Variants in CPNE4 observed in about 807,000 individuals in gnomAD.
CPNE4 encodes the protein copine 4.
Under a neutral mutation model 67.9 loss-of-function variants are expected in CPNE4, and 25 were observed. The observed-to-expected ratio is 0.37, with a 90% CI of 0.27 to 0.51. The LOEUF (loss-of-function observed/expected upper bound fraction) is 0.51, where lower values mean the gene tolerates loss of function less well. Among genes scored for constraint, CPNE4 ranks in the 20% least tolerant of loss-of-function variants. CPNE4 has a pLI of 0.93. For synonymous variants in CPNE4, 242 were observed against 244.9 expected (o/e 0.99, Z 0.11); for missense variants, 464 against 690.8 (o/e 0.67, Z 3.68).
chr3:131,655,074 A>G (rs1213772415), intron 7 of CPNE4, among the ~76,000 whole-genome samples: 1 of 152,244 alleles, frequency 6.6e-6, no homozygotes, highest in Non-Finnish European at 1.5e-5. Context: ...GTGGATGCAG[A>G]TATAGAGAAA....
chr3:131,723,765 T>C (rs973347971), intron 2 of CPNE4, 140 bp from the exon 3 acceptor site: 4 of 662,502 alleles, frequency 6.0e-6, no homozygotes, highest in Admixed American at 5.7e-5. Context: ...AGTCCAAAAG[T>C]ACAAAGTACA....
intron 2 of CPNE4, among the ~76,000 whole-genome samples, chr3:131,854,017 A>C (rs12629408): frequency 0.4 from 59,985 of 151,600 alleles, 12,143 homozygotes; most frequent in Admixed American, 0.47. Context: ...TATGACCTAG[A>C]AATTTCATTT....
intron 3 of CPNE4, among the ~76,000 whole-genome samples, chr3:131,701,003 C>G (rs1160960587): frequency 1.3e-5 from 2 of 150,082 alleles, no homozygotes; most frequent in African/African-American, 4.9e-5. Flanking sequence ...GACAAAAAAC[C>G]AAACACTGCA....
intron 7 of CPNE4, among the ~76,000 whole-genome samples, chr3:131,629,903 G>A (rs964968587): frequency 2.6e-5 from 4 of 150,966 alleles, no homozygotes; most frequent in South Asian, 2.1e-4. Context: ...TCTCTCTCTC[G>A]TTCTCTCTCT....
intron 2 of CPNE4, among the ~76,000 whole-genome samples, chr3:131,851,553 A>T (rs1379547325): frequency 1.3e-5 from 2 of 152,120 alleles, no homozygotes; most frequent in Non-Finnish European, 2.9e-5. Flanking sequence ...ACATTTATAC[A>T]GACCGGTGTA....
At chr3:131,923,704 C>CAAAA (rs3041574) in intron 1 of CPNE4, among the ~76,000 whole-genome samples, 459 of 39,232 alleles carry the variant, frequency 0.012, 11 homozygotes, top group East Asian at 0.055. Context: ...GACTCCGTCT[C>CAAAA]AAAAAAAAAA....
At chr3:131,983,416 G>A (rs559755592) in intron 1 of CPNE4, among the ~76,000 whole-genome samples, 4 of 152,196 alleles carry the variant, frequency 2.6e-5, no homozygotes, top group East Asian at 3.9e-4. Flanking sequence ...TTGCTACGAC[G>A]TGGAGCTGCA....
At chr3:131,719,690 G>A (rs928569541) in intron 3 of CPNE4, among the ~76,000 whole-genome samples, 1 of 152,146 alleles carries the variant, frequency 6.6e-6, no homozygotes, top group Non-Finnish European at 1.5e-5. Flanking sequence ...TCCATAGATA[G>A]AGTGGGTCCC....
intron 6 of CPNE4, among the ~76,000 whole-genome samples, chr3:131,674,294 G>C (rs1037974576): frequency 1.3e-5 from 2 of 151,890 alleles, no homozygotes; most frequent in African/African-American, 4.8e-5. Context: ...ATGTATCTTT[G>C]TATGGTTTTG....
At chr3:131,786,235 A>G (rs1366660255) in intron 2 of CPNE4, among the ~76,000 whole-genome samples, 3 of 150,930 alleles carry the variant, frequency 2.0e-5, no homozygotes, top group African/African-American at 7.3e-5. Flanking sequence ...CTTCAAACTC[A>G]GCTTTGTGTT....
chr3:131,643,022 G>A (rs145315001), intron 7 of CPNE4, among the ~76,000 whole-genome samples: 84 of 152,306 alleles, frequency 5.5e-4, no homozygotes, highest in South Asian at 5.2e-3. Flanking sequence ...GGGCTCAGAA[G>A]AAGACAGGAA....
chr3:131,819,675 A>G (rs1375240067), intron 2 of CPNE4, among the ~76,000 whole-genome samples: 2 of 152,218 alleles, frequency 1.3e-5, no homozygotes, highest in Non-Finnish European at 2.9e-5. Context: ...GAGAGAAAAC[A>G]AAATTTCGGA....
intron 2 of CPNE4, among the ~76,000 whole-genome samples, chr3:131,847,659 G>A (rs1294581774): frequency 6.6e-6 from 1 of 152,156 alleles, no homozygotes; most frequent in African/African-American, 2.4e-5. Context: ...ACGCTTTCTA[G>A]TTCTTTACAC....
chr3:132,011,685 CTCA>C (rs2107677864), intron 1 of CPNE4, among the ~76,000 whole-genome samples: 1 of 152,332 alleles, frequency 6.6e-6, no homozygotes, highest in African/African-American at 2.4e-5. Flanking sequence ...TTCAAAGCAA[CTCA>C]TAACATTTTT....
intron 6 of CPNE4, among the ~76,000 whole-genome samples, chr3:131,672,225 A>G (rs2080437198): frequency 6.6e-6 from 1 of 152,096 alleles, no homozygotes. Context: ...TTATTCATTC[A>G]TCTATTGATA....
intron 1 of CPNE4, among the ~76,000 whole-genome samples, chr3:131,984,350 G>C (rs1188333855): frequency 6.6e-6 from 1 of 152,138 alleles, no homozygotes; most frequent in African/African-American, 2.4e-5. Context: ...CTGCATAAGG[G>C]TTTCTTGTGA....
intron 7 of CPNE4, among the ~76,000 whole-genome samples, chr3:131,618,124 G>T (rs1380960380): frequency 6.6e-6 from 1 of 152,088 alleles, no homozygotes; most frequent in Non-Finnish European, 1.5e-5. Context: ...GGAGATACAG[G>T]GAATGTCTCA....
intron 2 of CPNE4, among the ~76,000 whole-genome samples, chr3:131,752,099 C>A (rs1437133756): frequency 6.6e-6 from 1 of 152,164 alleles, no homozygotes; most frequent in African/African-American, 2.4e-5. Flanking sequence ...TGAAAGCCCA[C>A]ATTTACCATG....
intron 1 of CPNE4, among the ~76,000 whole-genome samples, chr3:131,979,073 T>TA (rs1239649733): frequency 6.6e-6 from 1 of 151,208 alleles, no homozygotes; most frequent in Non-Finnish European, 1.5e-5. Context: ...ATAATTTCAA[T>TA]TTTTTTAATT....
Sources: gnomAD v4.1 joint callset for allele counts (sites outside exome capture counted in the v4.1 genomes callset) on GRCh38, gnomAD v4.1.1 for gene constraint, MANE v1.5 for transcripts, NCBI Gene and HGNC (gene_info 2026-07-23, HGNC 2026-07-21) for gene names.